The following USP10 variants were observed in gnomAD, a reference collection of about 807,000 sequenced individuals.
The protein encoded by USP10 is ubiquitin specific peptidase 10.
In USP10, 22 loss-of-function variants were observed where a neutral mutation model predicts 84.5. That is an observed-to-expected ratio of 0.26 (90% confidence interval 0.19 to 0.37). The LOEUF (loss-of-function observed/expected upper bound fraction) is 0.37, where lower values mean the gene tolerates loss of function less well. Among genes scored for constraint, USP10 ranks in the 10% least tolerant of loss-of-function variants. The probability of loss-of-function intolerance (pLI) is 1.00; values close to 1 mark genes in which losing one functional copy is unlikely to be tolerated. For synonymous variants in USP10, 454 were observed against 387.6 expected (o/e 1.17, Z -2.01); for missense variants, 1,019 against 998.9 (o/e 1.02, Z -0.27).
At position 84,779,225 on chromosome 16, in the gene USP10, T is replaced by G; in HGVS notation, c.*143T>G. On this transcript the variant is annotated 3_prime_UTR_variant, in exon 14 of 14. Coordinates refer to ENST00000219473, the MANE Select transcript of USP10 (RefSeq NM_005153.3). ...TGGGCTAGAATGAAAAGGAGATGCC[T>G]TGGGGTTCGTGCACAACACAGCTTC... The G allele has an allele frequency of 1.1e-6, 1 of 930,458 alleles. No homozygotes were observed. The highest frequency in any genetic ancestry group is 1.6e-6 in the Non-Finnish European group (1 of 634,836). 57.6% of individuals were successfully genotyped at this position (930,458 alleles called of 1,614,324 possible).
rs1049318683 is a variant in USP10 at position 84,700,040 on chromosome 16, A to G, written c.-51A>G. 5.2e-6 allele frequency: 7 copies of G among 1,347,634 alleles called. No homozygotes were observed. The highest frequency in any genetic ancestry group is 6.8e-6 in the Non-Finnish European group (7 of 1,027,058). 83.5% of individuals were successfully genotyped at this position (1,347,634 alleles called of 1,614,324 possible). A position where few individuals can be genotyped will look rare whatever the true frequency, so the allele number is the denominator to read the frequency against. On this transcript the variant is annotated 5_prime_UTR_variant, in exon 1 of 14. Coordinates refer to ENST00000219473, the MANE Select transcript of USP10 (RefSeq NM_005153.3). The stretch of plus-strand genomic sequence containing the variant: ...GGCGAGAAGATGGCGGCGGCGGGGG[A>G]AGCAGCGTGAGCAGCCGGAGGATCG...
At chr16:84,764,931 G>GAGAGAGAGAGAGAA (rs11373757) in intron 10 of USP10, among the ~76,000 whole-genome samples, 1 of 39,256 alleles carries the variant, frequency 2.5e-5, no homozygotes, top group African/African-American at 8.7e-5. Flanking sequence ...GAGAGAGAGA[G>GAGAGAGAGAGAGAA]AAAAAAAAAT....
intron 1 of USP10, among the ~76,000 whole-genome samples, chr16:84,723,541 G>A (rs1908082458): frequency 6.6e-6 from 1 of 152,174 alleles, no homozygotes; most frequent in African/African-American, 2.4e-5. Flanking sequence ...ATGTAGTTTG[G>A]AGAAATTATT....
rs767848739 is a variant in USP10 at position 84,778,922 on chromosome 16, C to T, written c.2237C>T (p.Thr746Met). The T allele has an allele frequency of 9.3e-6, 15 of 1,613,644 alleles. No individual in the cohort carries two copies. Among genetic ancestry groups the T allele is most frequent in the East Asian group, 4.5e-5 (2 of 44,894 alleles). The stretch of plus-strand genomic sequence containing the variant: ...GTCTACCATCACGGCAACAGTGCGA[C>T]GGGCGGCCATTACACTACAGACGTC... Reference protein sequence around the residue: ...AVVYHHGNSATGGHYTTDVFQ... With the variant: ...AVVYHHGNSAMGGHYTTDVFQ... Residue 746 changes from threonine (T) to methionine (M), a missense_variant, in exon 14 of 14, where the codon ACG becomes ATG. Coordinates refer to ENST00000219473, the MANE Select transcript of USP10 (RefSeq NM_005153.3).
At chr16:84,755,877 C>G (rs1444565061) in intron 4 of USP10, among the ~76,000 whole-genome samples, 1 of 151,920 alleles carries the variant, frequency 6.6e-6, no homozygotes, top group East Asian at 1.9e-4. Context: ...GTATCTTTTA[C>G]TAACATCTCT....
chr16:84,760,251 T>C lies in USP10; in HGVS notation c.1530T>C (p.Val510=), dbSNP rs1408810532. The C allele has an allele frequency of 6.2e-7, 1 of 1,608,938 alleles. No individual in the cohort carries two copies. The highest frequency in any genetic ancestry group is 1.3e-5 in the African/African-American group (1 of 75,002). Residue 510 remains valine (V), a synonymous_variant, in exon 8 of 14, where the codon GTT becomes GTC. Coordinates refer to ENST00000219473, the MANE Select transcript of USP10 (RefSeq NM_005153.3). ...CATATATTTACAGACTCCTGACAGT[T>C]AACAAGTCAAGCCTGTCTGAAAAGG... ...EPTYIYRLLT[V]NKSSLSEKGR...
chr16:84,764,911 C>A (rs1913653235), intron 10 of USP10, among the ~76,000 whole-genome samples: 1 of 111,532 alleles, frequency 9.0e-6, no homozygotes, highest in Non-Finnish European at 1.8e-5. Flanking sequence ...AGGTCATAAA[C>A]AATAACCACG....
At chr16:84,712,807 A>G (rs1906487863) in intron 1 of USP10, among the ~76,000 whole-genome samples, 1 of 152,134 alleles carries the variant, frequency 6.6e-6, no homozygotes, top group Non-Finnish European at 1.5e-5. Flanking sequence ...ACTGACCCGC[A>G]CGTCACATAT....
chr16:84,768,904 G>C (rs1914139811), intron 11 of USP10, among the ~76,000 whole-genome samples: 1 of 152,180 alleles, frequency 6.6e-6, no homozygotes, highest in African/African-American at 2.4e-5. Context: ...ATGAATTTAA[G>C]AGTATCACAT....
chr16:84,710,717 C>T (rs981407542), intron 1 of USP10, among the ~76,000 whole-genome samples: 2 of 152,058 alleles, frequency 1.3e-5, no homozygotes, highest in Non-Finnish European at 2.9e-5. Flanking sequence ...TTGGATTTAA[C>T]AGCGTTTTTA....
At position 84,700,229 on chromosome 16, in the gene USP10, C is replaced by G. The variant is rs938451217; in HGVS notation, c.21+118C>G. 7.4e-6 allele frequency: 6 copies of G among 814,184 alleles called. No individual in the cohort carries two copies. The African/African-American group carries it at 1.1e-4, about 15-fold the overall frequency. 50.4% of individuals were successfully genotyped at this position (814,184 alleles called of 1,614,324 possible). A position where few individuals can be genotyped will look rare whatever the true frequency, so the allele number is the denominator to read the frequency against. ...GAGCGTGTGGGAGTGGGGGAGGGCG[C>G]TGGGACACGCTGCCCGGGCCTAGGC... On this transcript the variant is annotated intron_variant, in intron 1 of 13. Coordinates refer to ENST00000219473, the MANE Select transcript of USP10 (RefSeq NM_005153.3).
intron 4 of USP10, among the ~76,000 whole-genome samples, chr16:84,756,670 A>C (rs1357346568): frequency 6.6e-6 from 1 of 152,194 alleles, no homozygotes; most frequent in Non-Finnish European, 1.5e-5. Flanking sequence ...AAGTCATTTG[A>C]TATAAAAATA....
chr16:84,764,612 C>G (rs1455432704), intron 10 of USP10, among the ~76,000 whole-genome samples: 22 of 152,244 alleles, frequency 1.4e-4, no homozygotes, highest in Non-Finnish European at 1.0e-4. Context: ...GGGTGGATCA[C>G]CTGAGGTTAG....
chr16:84,774,565 G>A (rs1327616882), intron 12 of USP10, among the ~76,000 whole-genome samples: 1 of 151,168 alleles, frequency 6.6e-6, no homozygotes, highest in Non-Finnish European at 1.5e-5. Flanking sequence ...CTGCCTCCCG[G>A]GTTCAAGTGA....
intron 4 of USP10, among the ~76,000 whole-genome samples, chr16:84,757,447 T>G (rs975075646): frequency 1.5e-5 from 2 of 137,854 alleles, no homozygotes; most frequent in African/African-American, 5.6e-5. Flanking sequence ...GTGTGTGTGT[T>G]TTGAATTTTG....
rs1263488320 is a variant in USP10, at chr16:84,764,184, C to A, written c.1753C>A (p.Pro585Thr). 1.2e-6 allele frequency: 2 copies of A among 1,613,826 alleles called. No homozygotes were observed. The highest frequency in any genetic ancestry group is 1.7e-6 in the Non-Finnish European group (2 of 1,179,866). ...GSEDEWEQVG[P>T]RNKTSVTRQA... Reference sequence around the variant, plus strand: ...CGAGGATGAATGGGAACAAGTGGGCCCCCGGAACAAGACTTCCGTCACCCG... The same window carrying A: ...CGAGGATGAATGGGAACAAGTGGGCACCCGGAACAAGACTTCCGTCACCCG... The change falls in exon 10 of 14, where the codon CCC becomes ACC. Residue 585 changes from proline to threonine, a missense_variant. By Grantham distance (38) the Pro-to-Thr change is conservative. This residue lies in a region of USP10 where 232 missense variants were observed against 290.1 expected (regional missense o/e 0.80). Transcript: ENST00000219473.
intron 1 of USP10, among the ~76,000 whole-genome samples, chr16:84,712,754 G>T (rs992690565): frequency 6.6e-6 from 1 of 152,170 alleles, no homozygotes; most frequent in African/African-American, 2.4e-5. Context: ...AGGTTCTTCA[G>T]TGCTCTCTTT....
At chr16:84,756,253 C>G (rs1912527330) in intron 4 of USP10, among the ~76,000 whole-genome samples, 1 of 152,224 alleles carries the variant, frequency 6.6e-6, no homozygotes, top group African/African-American at 2.4e-5. Flanking sequence ...CTAGGCAGGG[C>G]TCAGCAGGGG....
rs137916222 is a variant in USP10, at chr16:84,750,283, C to T, written c.1192+4610C>T. On this transcript the variant is annotated intron_variant, in intron 4 of 13. Coordinates refer to ENST00000219473, the MANE Select transcript of USP10 (RefSeq NM_005153.3). Reference sequence around the variant, plus strand: ...ATTAGATGGACGTGGTGGCTCATGGCTGTAATCCTAGCTACTGAGGAGGCT... The same window carrying T: ...ATTAGATGGACGTGGTGGCTCATGGTTGTAATCCTAGCTACTGAGGAGGCT... Among the ~76,000 whole-genome samples, 260 of 151,812 alleles carry T rather than the reference C, an allele frequency of 1.7e-3. 1 individual carries two copies. The highest frequency in any genetic ancestry group is 5.7e-3 in the African/African-American group (236 of 41,376).
Sources: allele counts gnomAD v4.1 joint callset (sites outside exome capture counted in the v4.1 genomes callset), GRCh38; gene constraint gnomAD v4.1.1; regional missense constraint gnomAD v4.1.1; transcripts MANE v1.5; gene names NCBI Gene and HGNC (gene_info 2026-07-23, HGNC 2026-07-21).